The following DOCK1 variants were observed in gnomAD, a reference collection of about 807,000 sequenced individuals.
DOCK1 encodes dedicator of cytokinesis 1, also known as dedicator of cytokinesis protein 1.
In DOCK1, 138 loss-of-function variants were observed where a neutral mutation model predicts 262.7. That is an observed-to-expected ratio of 0.53 (90% CI 0.46 to 0.61). The LOEUF is 0.61. Ranked by LOEUF, DOCK1 falls within the 20% of genes least tolerant of loss-of-function variation. The probability of loss-of-function intolerance (pLI) is 0.00; values close to 1 mark genes in which losing one functional copy is unlikely to be tolerated. For missense variants in DOCK1, 1,908 were observed against 2,370.7 expected, an observed-to-expected ratio of 0.80 and a Z score of 4.05; for synonymous variants, 866 against 867.4, an observed-to-expected ratio of 1.00 and a Z score of 0.03.
In DOCK1 at chr10:127,037,823, T is replaced by G. The variant is rs1241494740; in HGVS notation, c.2010+7T>G. ...TGGTGGTGAAGTAGTGAAGGTAACA[T>G]GGAGCCCAAAGGGACTTTTTGGGTC... On this transcript the variant is annotated splice_region_variant and intron_variant, in intron 19 of 51. Transcript: ENST00000623213. 2 of 1,559,806 alleles carry G rather than the reference T, an allele frequency of 1.3e-6. No individual in the cohort carries two copies. Among genetic ancestry groups the G allele is most frequent in the Admixed American group, 3.9e-5 (2 of 50,682 alleles).
intron 28 of DOCK1, among the ~76,000 whole-genome samples, chr10:127,250,488 C>A (rs145818165): frequency 6.6e-5 from 10 of 152,190 alleles, no homozygotes; most frequent in Admixed American, 6.5e-4. Flanking sequence ...GACAATTTGA[C>A]TTCCATTAAG....
intron 23 of DOCK1, among the ~76,000 whole-genome samples, chr10:127,095,482 A>C (rs79672776): frequency 0.02 from 3,015 of 152,328 alleles, 83 homozygotes; most frequent in East Asian, 0.11. Context: ...GATATGGGAG[A>C]GAAGTGCAGG....
intron 27 of DOCK1, among the ~76,000 whole-genome samples, chr10:127,156,547 C>CTTTTTTTT (rs2053074521): frequency 1.1e-5 from 1 of 88,196 alleles, no homozygotes; most frequent in African/African-American, 4.2e-5. Flanking sequence ...TCTTCTTCTT[C>CTTTTTTTT]TTCTTCTTCT....
chr10:127,339,733 G>GTGTGTGTGTGTGCGCA (rs71032552), intron 30 of DOCK1, among the ~76,000 whole-genome samples: 34 of 109,230 alleles, frequency 3.1e-4, no homozygotes, highest in Non-Finnish European at 5.9e-4. Context: ...GTGTGTGTGT[G>GTGTGTGTGTGTGCGCA]TGCATGCTGT....
intron 35 of DOCK1, among the ~76,000 whole-genome samples, chr10:127,375,048 G>A (rs1377937600): frequency 6.6e-6 from 1 of 152,266 alleles, no homozygotes; most frequent in Non-Finnish European, 1.5e-5. Flanking sequence ...GCTGCCATCT[G>A]TCTGCCTTTT....
At chr10:126,915,797 C>T (rs1299906080) in intron 1 of DOCK1, among the ~76,000 whole-genome samples, 1 of 152,134 alleles carries the variant, frequency 6.6e-6, no homozygotes, top group East Asian at 1.9e-4. Context: ...TTCCTGTTCC[C>T]ACCATCCAAA....
At chr10:126,967,681 C>T (rs2037775372) in intron 1 of DOCK1, among the ~76,000 whole-genome samples, 1 of 152,112 alleles carries the variant, frequency 6.6e-6, no homozygotes, top group Admixed American at 6.6e-5. Context: ...GCTTGTTTTG[C>T]CTCTTTCTTG....
intron 29 of DOCK1, among the ~76,000 whole-genome samples, chr10:127,319,379 C>G (rs1354268019): frequency 6.6e-6 from 1 of 152,170 alleles, no homozygotes; most frequent in Admixed American, 6.5e-5. Context: ...ATTTTAATCT[C>G]TGCAATACAG....
chr10:126,906,692 C>T (rs141445851), intron 1 of DOCK1, among the ~76,000 whole-genome samples: 223 of 152,354 alleles, frequency 1.5e-3, no homozygotes, highest in African/African-American at 5.1e-3. Context: ...CTGCCCGACC[C>T]TCTGCTGGTG....
intron 20 of DOCK1, 28 bp from the exon 21 acceptor site, chr10:127,043,036 A>C: frequency 6.5e-7 from 1 of 1,527,696 alleles, no homozygotes; most frequent in Non-Finnish European, 9.0e-7. Context: ...TATGTTGCTA[A>C]TGAAAATATT....
At chr10:127,360,290 C>T (rs1056904537) in intron 32 of DOCK1, among the ~76,000 whole-genome samples, 3 of 152,126 alleles carry the variant, frequency 2.0e-5, no homozygotes, top group South Asian at 4.1e-4. Flanking sequence ...CTCAGGAGTA[C>T]CGCAGCCACG....
chr10:127,061,558 T>C, intron 22 of DOCK1, 110 bp from the exon 23 acceptor site: 3 of 891,542 alleles, frequency 3.4e-6, no homozygotes, highest in Middle Eastern at 2.2e-4. Flanking sequence ...GGATGTGGTC[T>C]CTCATTCTAA....
chr10:127,129,498 A>G (rs2050174439), intron 27 of DOCK1, among the ~76,000 whole-genome samples: 1 of 152,160 alleles, frequency 6.6e-6, no homozygotes, highest in Admixed American at 6.5e-5. Flanking sequence ...CTTGAAACAC[A>G]TTTGGAACAC....
intron 1 of DOCK1, among the ~76,000 whole-genome samples, chr10:126,919,371 T>G (rs2032937282): frequency 6.6e-6 from 1 of 152,242 alleles, no homozygotes; most frequent in Non-Finnish European, 1.5e-5. Flanking sequence ...TGTGCTTCTA[T>G]TAACTTCACA....
At chr10:127,251,667 T>C (rs540064952) in intron 28 of DOCK1, among the ~76,000 whole-genome samples, 5 of 150,762 alleles carry the variant, frequency 3.3e-5, no homozygotes, top group Non-Finnish European at 5.9e-5. Flanking sequence ...TTACTGAGAA[T>C]GATGATTTCC....
At chr10:127,367,883 T>C (rs2065010185) in intron 33 of DOCK1, among the ~76,000 whole-genome samples, 1 of 151,870 alleles carries the variant, frequency 6.6e-6, no homozygotes. Context: ...GCAGTGTGGA[T>C]ACTCCAAGCC....
intron 2 of DOCK1, 114 bp from the exon 3 acceptor site, chr10:126,977,834 G>A (rs749005807): frequency 3.5e-5 from 36 of 1,019,022 alleles, no homozygotes; most frequent in Non-Finnish European, 4.6e-6. Flanking sequence ...AAATGCTGGT[G>A]ACAAACTGAC....
chr10:127,191,572 T>C lies in DOCK1; in HGVS notation c.2848-56436T>C, dbSNP rs1434205896. ...CTAAAATGTAACCACTAAGTACACA[T>C]AGAAAAGATTTTTAAAAACATGAAG... is the stretch of plus-strand genomic sequence containing the variant. On this transcript the variant is annotated intron_variant, in intron 27 of 51. Coordinates refer to ENST00000623213, the MANE Select transcript of DOCK1 (RefSeq NM_001290223.2). 1.3e-5 allele frequency among the ~76,000 whole-genome samples: 2 copies of C among 152,088 alleles called. 1 individual carries two copies. Among genetic ancestry groups the C allele is most frequent in the Non-Finnish European group, 2.9e-5 (2 of 68,010 alleles).
At position 127,423,549 on chromosome 10, in the gene DOCK1, C is replaced by A. The variant is rs184016329; in HGVS notation, c.4777-2325C>A. Among the ~76,000 whole-genome samples, 104 of 152,316 alleles carry A rather than the reference C, an allele frequency of 6.8e-4. 1 individual carries two copies. In the East Asian group the frequency reaches 0.019, roughly 28 times the overall value. On this transcript the variant is annotated intron_variant, in intron 46 of 51. Transcript: ENST00000623213. ...TCAAAGGCACAATTCCATCTTTCTC[C>A]ATACACAGCTGTCATTGTGGAGCAT... is the stretch of plus-strand genomic sequence containing the variant.
Sources: allele counts gnomAD v4.1 joint callset (sites outside exome capture counted in the v4.1 genomes callset), GRCh38; gene constraint gnomAD v4.1.1; transcripts MANE v1.5; gene names NCBI Gene and HGNC (gene_info 2026-07-23, HGNC 2026-07-21).